The following EPHA6 variants were observed in gnomAD, a reference collection of about 807,000 sequenced individuals.
EPHA6 encodes EPH receptor A6.
EPHA6 carries 50 observed loss-of-function variants against 112.0 expected under a neutral mutation model. The ratio of observed to expected loss-of-function variants is 0.45; its 90% CI spans 0.36 to 0.56. EPHA6 has a LOEUF of 0.56. EPHA6 is among the 20% of genes least tolerant of loss of function. The probability of loss-of-function intolerance (pLI) is 0.00; values close to 1 mark genes in which losing one functional copy is unlikely to be tolerated. For missense variants in EPHA6, 1,280 were observed against 1,417.4 expected (o/e 0.90, Z 1.56); for synonymous variants, 529 against 490.7 (o/e 1.08, Z -1.03).
At chr3:97,669,824 C>G (rs1022313520) in intron 14 of EPHA6, among the ~76,000 whole-genome samples, 3 of 152,118 alleles carry the variant, frequency 2.0e-5, no homozygotes, top group Admixed American at 1.3e-4. Flanking sequence ...ATTGTGGAAC[C>G]TTCATAAATA....
chr3:97,392,787 A>G (rs1237603080), intron 5 of EPHA6, among the ~76,000 whole-genome samples: 1 of 151,566 alleles, frequency 6.6e-6, no homozygotes, highest in Non-Finnish European at 1.5e-5. Flanking sequence ...TTGTCATATT[A>G]TTTTAGTTTT....
intron 3 of EPHA6, among the ~76,000 whole-genome samples, chr3:97,102,141 C>T (rs1411157773): frequency 2.0e-5 from 3 of 152,038 alleles, no homozygotes; most frequent in South Asian, 2.1e-4. Flanking sequence ...AAGAAACACT[C>T]ATAGCTTGTG....
intron 1 of EPHA6, among the ~76,000 whole-genome samples, chr3:96,827,971 C>T (rs1277027863): frequency 7.9e-5 from 12 of 152,124 alleles, no homozygotes; most frequent in South Asian, 2.1e-4. Context: ...GTTAAAAATT[C>T]GTGATTATTG....
chr3:96,925,588 A>G (rs1042597398), intron 2 of EPHA6, among the ~76,000 whole-genome samples: 2 of 148,052 alleles, frequency 1.4e-5, no homozygotes, highest in Admixed American at 1.4e-4. Flanking sequence ...TTCAAAAAAC[A>G]AGCTCCTTGA....
rs560771141 is a variant in EPHA6 at position 97,214,631 on chromosome 3, A to G, written c.1115-11633A>G. On this transcript the variant is annotated intron_variant, in intron 3 of 17. Transcript: ENST00000389672. ...TTTCATTGTTATTTTAAGCAATCACATAAAGTTTCTCAAATTATAAGCGTA... is the reference window on the plus strand; with the variant it reads ...TTTCATTGTTATTTTAAGCAATCACGTAAAGTTTCTCAAATTATAAGCGTA... Among the ~76,000 whole-genome samples, 7 of 151,778 alleles carry G rather than the reference A, an allele frequency of 4.6e-5. No homozygotes were observed. In the East Asian group the frequency reaches 7.7e-4, roughly 17 times the overall value.
At chr3:97,700,333 G>T (rs560050556) in intron 14 of EPHA6, among the ~76,000 whole-genome samples, 3 of 152,182 alleles carry the variant, frequency 2.0e-5, no homozygotes, top group Admixed American at 2.0e-4. Context: ...CAAGTTGAAT[G>T]AAGTGTCTCC....
chr3:97,571,757 T>C (rs1424209547), intron 11 of EPHA6, among the ~76,000 whole-genome samples: 1 of 152,214 alleles, frequency 6.6e-6, no homozygotes, highest in Non-Finnish European at 1.5e-5. Context: ...TGCTATTAAA[T>C]AGCTTTTAAC....
intron 7 of EPHA6, among the ~76,000 whole-genome samples, chr3:97,464,442 T>C (rs2090989439): frequency 6.6e-6 from 1 of 152,078 alleles, no homozygotes; most frequent in Non-Finnish European, 1.5e-5. Flanking sequence ...AAAAATATGG[T>C]GAAGCAATAG....
intron 1 of EPHA6, among the ~76,000 whole-genome samples, chr3:96,855,769 A>G (rs1212278824): frequency 6.6e-6 from 1 of 152,158 alleles, no homozygotes; most frequent in Non-Finnish European, 1.5e-5. Flanking sequence ...TTTATGGAAT[A>G]TGAAATATGA....
intron 3 of EPHA6, among the ~76,000 whole-genome samples, chr3:97,203,641 A>T (rs566975821): frequency 6.6e-6 from 1 of 152,088 alleles, no homozygotes; most frequent in African/African-American, 2.4e-5. Context: ...TGTGGAGGGA[A>T]AAAACAAAAA....
intron 11 of EPHA6, chr3:97,569,983 T>C (rs893705258): frequency 2.0e-5 from 3 of 152,216 alleles, no homozygotes; most frequent in Non-Finnish European, 2.9e-5. Context: ...TCAAACCTTG[T>C]TGAATTTTAC....
chr3:97,080,301 G>A (rs564095339), intron 3 of EPHA6, among the ~76,000 whole-genome samples: 8 of 152,074 alleles, frequency 5.3e-5, no homozygotes, highest in Non-Finnish European at 1.0e-4. Flanking sequence ...TTGGAAGTGT[G>A]GGGGAGGGAG....
At chr3:97,431,733 T>C (rs917081129) in intron 6 of EPHA6, among the ~76,000 whole-genome samples, 1 of 152,114 alleles carries the variant, frequency 6.6e-6, no homozygotes, top group East Asian at 1.9e-4. Flanking sequence ...GTTTAACACG[T>C]TTATACTTTT....
intron 3 of EPHA6, among the ~76,000 whole-genome samples, chr3:97,068,165 GAAAA>G (rs75312712): frequency 4.3e-5 from 3 of 69,626 alleles, no homozygotes; most frequent in East Asian, 4.4e-4. Flanking sequence ...AAAAAAAAAA[GAAAA>G]AAAAAAAAAA....
chr3:97,564,760 T>C (rs538311153), intron 11 of EPHA6, among the ~76,000 whole-genome samples: 1 of 152,116 alleles, frequency 6.6e-6, no homozygotes, highest in Non-Finnish European at 1.5e-5. Flanking sequence ...TTATTAAACA[T>C]GCAAAATCTC....
rs140454933 is a variant in EPHA6, at chr3:97,420,802, G to A, written c.1731+15528G>A. Among the ~76,000 whole-genome samples the A allele has an allele frequency of 2.7e-3, 408 of 150,542 alleles. 3 individuals are homozygous for A. Among genetic ancestry groups the A allele is most frequent in the African/African-American group, 9.5e-3 (390 of 40,986 alleles). ...ATAGGTACAAAATCCTAAATTAAAT[G>A]TAACCAACCAAACCAGCTAAGTATA... On this transcript the variant is annotated intron_variant, in intron 6 of 17. Coordinates refer to ENST00000389672, the MANE Select transcript of EPHA6 (RefSeq NM_001080448.3).
At chr3:97,624,603 G>A (rs1397668971) in intron 13 of EPHA6, among the ~76,000 whole-genome samples, 1 of 151,464 alleles carries the variant, frequency 6.6e-6, no homozygotes, top group Non-Finnish European at 1.5e-5. Context: ...AATTTTTCAG[G>A]ATGAAGTTTG....
rs560454309 is a variant in EPHA6 at position 97,190,096 on chromosome 3, C to G, written c.1115-36168C>G. Among the ~76,000 whole-genome samples, 3 of 152,064 alleles carry G rather than the reference C, an allele frequency of 2.0e-5. No individual in the cohort carries two copies. The South Asian group carries it at 6.2e-4, about 31-fold the overall frequency. On this transcript the variant is annotated intron_variant, in intron 3 of 17. Coordinates refer to ENST00000389672, the MANE Select transcript of EPHA6 (RefSeq NM_001080448.3). ...ATACAGTAGGCAGGGTCAGTAGAAA[C>G]GTCCATGAGAGTTTGGGTAATCCAA...
At chr3:97,510,121 T>C (rs2092336662) in intron 10 of EPHA6, among the ~76,000 whole-genome samples, 1 of 152,234 alleles carries the variant, frequency 6.6e-6, no homozygotes, top group Non-Finnish European at 1.5e-5. Context: ...CTTCTTTACA[T>C]TGGGTTAGAA....
Sources: gnomAD v4.1 joint callset for allele counts (sites outside exome capture counted in the v4.1 genomes callset) on GRCh38, gnomAD v4.1.1 for gene constraint, MANE v1.5 for transcripts, NCBI Gene and HGNC (gene_info 2026-07-23, HGNC 2026-07-21) for gene names.